CFAP58: variants seen among roughly 807,000 people sequenced by gnomAD.
CFAP58 encodes cilia and flagella associated protein 58, also known as cilia- and flagella-associated protein 58.
Under a neutral mutation model 119.5 loss-of-function variants are expected in CFAP58, and 88 were observed. The ratio of observed to expected loss-of-function variants is 0.74; its 90% CI spans 0.62 to 0.88. The LOEUF (loss-of-function observed/expected upper bound fraction) is 0.88, where lower values mean the gene tolerates loss of function less well. Ranked by LOEUF, CFAP58 falls within the 40% of genes least tolerant of loss-of-function variation. The pLI, the probability that CFAP58 is intolerant of heterozygous loss-of-function variation, is 0.00. For synonymous variants in CFAP58, 365 were observed against 366.3 expected, an observed-to-expected ratio of 1.00 and a Z score of 0.04; for missense variants, 990 against 1,021.2, an observed-to-expected ratio of 0.97 and a Z score of 0.42.
At chr10:104,351,905 AT>A (rs1368788961), upstream of CFAP58, 1 of 152,204 alleles carries the variant, frequency 6.6e-6, no homozygotes, top group African/African-American at 2.4e-5. Flanking sequence ...AAGCAGATTG[AT>A]GTCCAGGCTT....
At chr10:104,428,592 A>G (rs933204985) in intron 15 of CFAP58, among the ~76,000 whole-genome samples, 2 of 152,264 alleles carry the variant, frequency 1.3e-5, no homozygotes, top group South Asian at 4.1e-4. Flanking sequence ...AAAGAGAGGG[A>G]TGGGATGACA....
intron 16 of CFAP58, among the ~76,000 whole-genome samples, chr10:104,448,343 T>A (rs1589939983): frequency 6.6e-6 from 1 of 152,332 alleles, no homozygotes; most frequent in African/African-American, 2.4e-5. Flanking sequence ...CAGGCAAGAT[T>A]TTTTGATAGT....
At chr10:104,357,990 T>TAC (rs2014606772) in intron 1 of CFAP58, among the ~76,000 whole-genome samples, 1 of 143,016 alleles carries the variant, frequency 7.0e-6, no homozygotes, top group African/African-American at 2.7e-5. Flanking sequence ...TATGTACACA[T>TAC]ATATGTACAC....
At chr10:104,345,794 A>C in the CFAP58 span, among the ~76,000 whole-genome samples, 1 of 152,132 alleles carries the variant, frequency 6.6e-6, no homozygotes. Flanking sequence ...GATTTTCCAG[A>C]AAAGGGATCA....
chr10:104,435,256 C>T (rs2012914379), intron 15 of CFAP58, among the ~76,000 whole-genome samples: 2 of 152,150 alleles, frequency 1.3e-5, no homozygotes, highest in Admixed American at 6.5e-5. Flanking sequence ...CCGAGGCGGG[C>T]AGATCATTTG....
intron 2 of CFAP58, 64 bp downstream of exon 2, chr10:104,358,686 C>G (rs2014628714): frequency 2.1e-6 from 3 of 1,434,966 alleles, no homozygotes; most frequent in Non-Finnish European, 2.8e-6. Context: ...ATTATATTGG[C>G]ACCTCTAGGC....
rs1005861190 is a variant in CFAP58 at position 104,403,805 on chromosome 10, A to G, written c.2116A>G (p.Asn706Asp). Residue 706 changes from asparagine (N) to aspartate (D), a missense_variant, in exon 14 of 18, where the codon AAT becomes GAT. Asn to Asp is a conservative substitution (Grantham distance 23). Coordinates refer to ENST00000369704, the MANE Select transcript of CFAP58 (RefSeq NM_001008723.2). The stretch of plus-strand genomic sequence containing the variant: ...CCGAGCCCTGGAGGAGGAGCTGGAG[A>G]ATCCCCTGAATGTGCACAGATGGAG... The part of the protein sequence containing the change: ...RCRALEEELE[N>D]PLNVHRWRKL... 2 of 1,611,694 alleles carry G rather than the reference A, an allele frequency of 1.2e-6. No homozygotes were observed. The highest frequency in any genetic ancestry group is 2.7e-5 in the African/African-American group (2 of 74,998).
intron 15 of CFAP58, among the ~76,000 whole-genome samples, chr10:104,432,815 T>C (rs2012871674): frequency 6.6e-6 from 1 of 152,214 alleles, no homozygotes; most frequent in Non-Finnish European, 1.5e-5. Context: ...GGCACTTTTA[T>C]ATACTGTGGG....
rs541926951 is a variant in CFAP58, at chr10:104,354,190, C to G, written c.9+284C>G. Among the ~76,000 whole-genome samples, 13 of 152,220 alleles carry G rather than the reference C, an allele frequency of 8.5e-5. No individual in the cohort carries two copies. The East Asian group carries it at 2.5e-3, about 29-fold the overall frequency. On this transcript the variant is annotated intron_variant, in intron 1 of 17. Transcript: ENST00000369704. ...TCTGAAATCCACACGTGACATGCAC[C>G]CAGCCCTAGATTTTTAGTCATGGAG...
the CFAP58 span, among the ~76,000 whole-genome samples, chr10:104,348,312 G>C: frequency 1.3e-5 from 2 of 152,132 alleles, no homozygotes; most frequent in East Asian, 3.9e-4. Flanking sequence ...CTGCAAGTCA[G>C]TGTTTCTGCT....
chr10:104,442,821 A>G (rs2013060030), intron 15 of CFAP58, among the ~76,000 whole-genome samples: 1 of 152,210 alleles, frequency 6.6e-6, no homozygotes, highest in Non-Finnish European at 1.5e-5. Context: ...AACATACATA[A>G]TAAAAAAATA....
At chr10:104,367,499 G>A in intron 5 of CFAP58, among the ~76,000 whole-genome samples, 1 of 152,002 alleles carries the variant, frequency 6.6e-6, no homozygotes, top group East Asian at 1.9e-4. Flanking sequence ...AATTCACAGT[G>A]TGCCGCCTCC....
chr10:104,373,722 T>A (rs1443263170), intron 7 of CFAP58, among the ~76,000 whole-genome samples: 1 of 151,742 alleles, frequency 6.6e-6, no homozygotes, highest in Non-Finnish European at 1.5e-5. Flanking sequence ...AATAAACATA[T>A]GAAAATAGAA....
At chr10:104,341,942 C>T in the CFAP58 span, among the ~76,000 whole-genome samples, 3 of 152,178 alleles carry the variant, frequency 2.0e-5, no homozygotes, top group Admixed American at 6.5e-5. Context: ...TGAATGTCCT[C>T]CTTCACCCCT....
chr10:104,425,333 A>T (rs2012726252), intron 15 of CFAP58, among the ~76,000 whole-genome samples: 1 of 152,138 alleles, frequency 6.6e-6, no homozygotes, highest in African/African-American at 2.4e-5. Flanking sequence ...GAGTGTGGGG[A>T]TGTGGTTGAG....
intron 10 of CFAP58, among the ~76,000 whole-genome samples, chr10:104,392,639 C>CT (rs35863751): frequency 0.011 from 1,394 of 123,902 alleles, 27 homozygotes; most frequent in African/African-American, 0.035. Context: ...CGTCTTTCTA[C>CT]TTTTTTTTTT....
At chr10:104,422,523 T>G (rs571078530) in intron 15 of CFAP58, among the ~76,000 whole-genome samples, 1 of 152,352 alleles carries the variant, frequency 6.6e-6, no homozygotes, top group South Asian at 2.1e-4. Context: ...CTGGCTTGTT[T>G]TTCTGTTGGG....
At chr10:104,400,973 T>C (rs41317250) in intron 13 of CFAP58, 70 bp downstream of exon 13, 180,078 of 1,071,378 alleles carry the variant, frequency 0.17, 16,680 homozygotes, top group Middle Eastern at 0.3. Flanking sequence ...CACTTCGTAG[T>C]CATGCTTGTT....
chr10:104,362,127 A>G lies in CFAP58; in HGVS notation c.396A>G (p.Lys132=), dbSNP rs1455928435. 4.3e-6 allele frequency: 7 copies of G among 1,613,936 alleles called. No homozygotes were observed. Among genetic ancestry groups the G allele is most frequent in the Non-Finnish European group, 5.9e-6 (7 of 1,179,990 alleles). Residue 132 remains lysine (K), a synonymous_variant, in exon 3 of 18, where the codon AAA becomes AAG. Transcript: ENST00000369704. The part of the protein sequence containing the change: ...ALKEEIVNLT[K]LVEQGSGLSM... ...AAGAGGAAATAGTGAACCTGACCAA[A>G]CTAGTGGAGCAGGGGTCTGGACTGT...
Sources: allele counts gnomAD v4.1 joint callset (sites outside exome capture counted in the v4.1 genomes callset), GRCh38; gene constraint gnomAD v4.1.1; transcripts MANE v1.5; gene names NCBI Gene and HGNC (gene_info 2026-07-23, HGNC 2026-07-21).